Variants in DIAPH1 observed in about 807,000 individuals in gnomAD.
DIAPH1 encodes the protein protein diaphanous homolog 1.
DIAPH1 carries 46 observed loss-of-function variants against 140.7 expected under a neutral mutation model. That is an observed-to-expected ratio of 0.33 (90% CI 0.26 to 0.42). The LOEUF (loss-of-function observed/expected upper bound fraction) is 0.42, where lower values mean the gene tolerates loss of function less well. Among genes scored for constraint, DIAPH1 ranks in the 10% least tolerant of loss-of-function variants. The pLI, the probability that DIAPH1 is intolerant of heterozygous loss-of-function variation, is 1.00. For missense variants in DIAPH1, 1,310 were observed against 1,558.7 expected (o/e 0.84, Z 2.69); for synonymous variants, 565 against 551.6 (o/e 1.02, Z -0.34).
intron 18 of DIAPH1, among the ~76,000 whole-genome samples, chr5:141,562,607 AAAAAAAAAAAAACAAAC>A (rs1230002428): frequency 9.4e-6 from 1 of 106,038 alleles, no homozygotes. Context: ...TTACCTATGC[AAAAAAAAAAAAACAAAC>A]AAAAAAAAAC....
chr5:141,573,947 C>T lies in DIAPH1; in HGVS notation c.1903G>A (p.Gly635Arg). ...VCISSPPSLP[G>R]GTAISPPPPL... ...GGGGGTGGAGAGATAGCAGTACCTC[C>T]AGGTAAAGAAGGGGGTGAGGAGATG... The change falls in exon 16 of 28, where the codon GGA becomes AGA. Residue 635 changes from glycine (G) to arginine (R), a missense_variant. Gly to Arg is a moderately radical substitution (Grantham distance 125). This residue lies in a region of DIAPH1 where 589 missense variants were observed against 549.3 expected (regional missense o/e 1.07). Coordinates refer to ENST00000389054, the MANE Select transcript of DIAPH1 (RefSeq NM_005219.5). 1.9e-6 allele frequency: 3 copies of T among 1,547,652 alleles called. No individual in the cohort carries two copies. The highest frequency in any genetic ancestry group is 1.7e-6 in the Non-Finnish European group (2 of 1,147,054).
At chr5:141,600,525 G>A (rs1341811800) in intron 1 of DIAPH1, among the ~76,000 whole-genome samples, 1 of 152,178 alleles carries the variant, frequency 6.6e-6, no homozygotes, top group African/African-American at 2.4e-5. Flanking sequence ...CTAGAACTTC[G>A]CTAAAGGAAA....
At chr5:141,570,697 G>C (rs2099895054) in intron 18 of DIAPH1, among the ~76,000 whole-genome samples, 1 of 151,954 alleles carries the variant, frequency 6.6e-6, no homozygotes, top group African/African-American at 2.4e-5. Flanking sequence ...TCATCACTAG[G>C]GTCATAGTAA....
At position 141,579,139 on chromosome 5, in the gene DIAPH1, A is replaced by T. The variant is rs757469488; in HGVS notation, c.882T>A (p.Arg294=). ...TERAEMDEVE[R]FQPLLDGLKS... is the part of the protein sequence containing the mutation. ...TTAATCCATCCAGCAGCGGCTGGAA[A>T]CGTTCCACTTCATCCATCTCAGCTC... Residue 294 remains arginine, a synonymous_variant, in exon 9 of 28, where the codon CGT becomes CGA. Transcript: ENST00000389054. 6 of 1,614,102 alleles carry T rather than the reference A, an allele frequency of 3.7e-6. No homozygotes were observed. The Admixed American group carries it at 8.3e-5, about 22-fold the overall frequency.
intron 18 of DIAPH1, among the ~76,000 whole-genome samples, chr5:141,566,913 A>AACAAAACAAG (rs2099894458): frequency 6.6e-6 from 1 of 151,720 alleles, no homozygotes; most frequent in African/African-American, 2.4e-5. Context: ...AACAAAACAA[A>AACAAAACAAG]ACAAAACAAA....
Position 141,578,568 on chromosome 5 carries a change from G to T in DIAPH1, c.991C>A (p.Arg331=), listed in dbSNP as rs777873912. The change falls in exon 10 of 28, where the codon CGA becomes AGA. Residue 331 remains arginine, a synonymous_variant. Coordinates refer to ENST00000389054, the MANE Select transcript of DIAPH1 (RefSeq NM_005219.5). ...LITPAEELDF[R]VHIRSELMRL... The stretch of plus-strand genomic sequence containing the variant: ...ATCAGTTCACTTCTGATGTGAACTC[G>T]GAAGTCAAGTTCCTCCGCTGGTGTG... 1.9e-6 allele frequency: 3 copies of T among 1,613,890 alleles called. No individual in the cohort carries two copies. The South Asian group carries it at 3.3e-5, about 18-fold the overall frequency.
intron 27 of DIAPH1, among the ~76,000 whole-genome samples, 160 bp from the exon 28 acceptor site, chr5:141,517,168 G>A (rs888155314): frequency 6.6e-6 from 1 of 152,236 alleles, no homozygotes; most frequent in African/African-American, 2.4e-5. Context: ...CCAGCATGTG[G>A]AATATATTGT....
Position 141,577,554 on chromosome 5 carries a change from C to T in DIAPH1, c.1201G>A (p.Val401Met), listed in dbSNP as rs367592859. Residue 401 changes from valine (V) to methionine (M), a missense_variant, in exon 12 of 28, where the codon GTG becomes ATG. Val to Met is a conservative substitution (Grantham distance 21). Coordinates refer to ENST00000389054, the MANE Select transcript of DIAPH1 (RefSeq NM_005219.5). ...NEVFQILLNTVKDSKAEPHFL... is the reference protein window; with the variant it reads ...NEVFQILLNTMKDSKAEPHFL... The stretch of plus-strand genomic sequence containing the variant: ...TGTGGCTCTGCCTTTGAATCCTTCA[C>T]TGTGTTTAAGAGAATCTGAAAGACT... 2 of 1,613,862 alleles carry T rather than the reference C, an allele frequency of 1.2e-6. No individual in the cohort carries two copies. Among genetic ancestry groups the T allele is most frequent in the Non-Finnish European group, 1.7e-6 (2 of 1,179,750 alleles).
rs1212743856 is a variant in DIAPH1, at chr5:141,591,695, G to GAGATATATATATAT, written c.118-3446_118-3445insATATATATATATCT. 3.2e-4 allele frequency among the ~76,000 whole-genome samples: 28 copies of GAGATATATATATAT among 86,350 alleles called. 1 individual carries two copies. The highest frequency in any genetic ancestry group is 1.1e-3 in the African/African-American group (19 of 17,476). The allele number at this position is 86,350 out of a possible 152,430, so 56.6% of individuals were successfully genotyped here. A position where few individuals can be genotyped will look rare whatever the true frequency, so the allele number is the denominator to read the frequency against. ...TGGAAAAGGAAGGAAGGGAGATGGG[G>GAGATATATATATAT]ATATATATATATATATATATATATA... On this transcript the variant is annotated intron_variant, in intron 1 of 27. Transcript: ENST00000389054.
chr5:141,542,477 T>C (rs1001371483), intron 18 of DIAPH1, among the ~76,000 whole-genome samples: 5 of 151,492 alleles, frequency 3.3e-5, no homozygotes, highest in African/African-American at 4.9e-5. Context: ...AATTAATGCA[T>C]AAACAAACTG....
intron 1 of DIAPH1, among the ~76,000 whole-genome samples, chr5:141,616,280 T>A (rs1338871378): frequency 6.6e-6 from 1 of 152,248 alleles, no homozygotes; most frequent in Non-Finnish European, 1.5e-5. Flanking sequence ...AGTTAATCCG[T>A]ATTTAGAACC....
chr5:141,528,275 A>G lies in DIAPH1; in HGVS notation c.3148+178T>C, dbSNP rs114999642. On this transcript the variant is annotated intron_variant, in intron 23 of 27. Coordinates refer to ENST00000389054, the MANE Select transcript of DIAPH1 (RefSeq NM_005219.5). ...GAAAGAGTGCTTCCTATTTCTACAC[A>G]TAAAGATCTCTCCTCAGCCATACGC... Among the ~76,000 whole-genome samples the G allele has an allele frequency of 8.4e-3, 1,277 of 152,192 alleles. 17 individuals carry two copies. The highest frequency in any genetic ancestry group is 0.029 in the African/African-American group (1,209 of 41,512).
intron 7 of DIAPH1, chr5:141,581,977 A>C (rs1309856488): frequency 9.5e-6 from 2 of 209,758 alleles, no homozygotes; most frequent in East Asian, 1.2e-4. Flanking sequence ...GGAGAATGGC[A>C]TGAATCCAGG....
chr5:141,521,779 A>G (rs1040262072), intron 27 of DIAPH1, among the ~76,000 whole-genome samples: 1 of 152,092 alleles, frequency 6.6e-6, no homozygotes, highest in African/African-American at 2.4e-5. Context: ...GCATAGAGAA[A>G]CCTATAGCCA....
intron 1 of DIAPH1, among the ~76,000 whole-genome samples, chr5:141,609,105 T>C (rs2099901407): frequency 6.7e-6 from 1 of 150,366 alleles, no homozygotes; most frequent in Non-Finnish European, 1.5e-5. Context: ...AGCTATTTTT[T>C]CATGCCTAAA....
chr5:141,539,230 T>C (rs114845760), intron 18 of DIAPH1, among the ~76,000 whole-genome samples: 3,440 of 151,638 alleles, frequency 0.023, 54 homozygotes, highest in East Asian at 0.046. Context: ...TGAGTGGAGA[T>C]TGCCCCAGTG....
chr5:141,618,745 G>C, intron 1 of DIAPH1, 53 bp downstream of exon 1: 1 of 1,336,142 alleles, frequency 7.5e-7, no homozygotes, highest in South Asian at 1.3e-5. Context: ...GGCTGCAGGG[G>C]TCCAGAGGGC....
In DIAPH1 at chr5:141,522,478, T is replaced by C. The variant is rs979213684; in HGVS notation, c.3661+1665A>G. The stretch of plus-strand genomic sequence containing the variant: ...GAAGCCACTGATGTCTGGCTACCTG[T>C]GGACAGGAAGCATCTGGGATTCTAG... On this transcript the variant is annotated intron_variant, in intron 27 of 27. Coordinates refer to ENST00000389054, the MANE Select transcript of DIAPH1 (RefSeq NM_005219.5). 8.1e-5 allele frequency among the ~76,000 whole-genome samples: 12 copies of C among 148,506 alleles called. No individual in the cohort carries two copies. The Admixed American group carries it at 8.3e-4, about 10-fold the overall frequency.
intron 1 of DIAPH1, among the ~76,000 whole-genome samples, chr5:141,604,581 A>G (rs906065639): frequency 1.3e-5 from 2 of 152,230 alleles, no homozygotes; most frequent in African/African-American, 4.8e-5. Flanking sequence ...TGACACACCC[A>G]AAGCCTAGCA....
Sources: gnomAD v4.1 joint callset for allele counts (sites outside exome capture counted in the v4.1 genomes callset) on GRCh38, gnomAD v4.1.1 for gene constraint, gnomAD v4.1.1 regional missense constraint, MANE v1.5 for transcripts, NCBI Gene and HGNC (gene_info 2026-07-23, HGNC 2026-07-21) for gene names.